The following ACYP2 variants were observed in gnomAD, a reference collection of about 807,000 sequenced individuals.
ACYP2 encodes the protein acylphosphatase-2.
Under a neutral mutation model 11.2 loss-of-function variants are expected in ACYP2, and 12 were observed. That is an observed-to-expected ratio of 1.08 (90% CI 0.69 to 1.74). The LOEUF is 1.74. Ranked by LOEUF, ACYP2 falls within the 40% of genes most tolerant of loss-of-function variation. The probability of loss-of-function intolerance (pLI) is 0.00; values close to 1 mark genes in which losing one functional copy is unlikely to be tolerated. For synonymous variants in ACYP2, 43 were observed against 32.2 expected (o/e 1.33, Z -1.13); for missense variants, 134 against 101.9 (o/e 1.31, Z -1.35).
At chr2:54,096,829 G>C (rs933847496) in intron 4 of ACYP2, among the ~76,000 whole-genome samples, 3 of 142,294 alleles carry the variant, frequency 2.1e-5, no homozygotes, top group African/African-American at 2.5e-5. Context: ...CGTGGAAAGA[G>C]AGGGAGAGGG....
intron 6 of ACYP2, among the ~76,000 whole-genome samples, chr2:54,178,532 TC>T (rs1683572564): frequency 6.6e-6 from 1 of 152,206 alleles, no homozygotes; most frequent in African/African-American, 2.4e-5. Flanking sequence ...AGTTCAGGGC[TC>T]TTCATTAAAA....
At chr2:54,239,899 CTTCT>C (rs1314500348) in intron 6 of ACYP2, among the ~76,000 whole-genome samples, 3 of 152,008 alleles carry the variant, frequency 2.0e-5, no homozygotes, top group East Asian at 1.9e-4. Flanking sequence ...AATCTATTCA[CTTCT>C]TTATTTTTAA....
chr2:54,126,152 A>G (rs1015441229), intron 4 of ACYP2, among the ~76,000 whole-genome samples: 1 of 152,226 alleles, frequency 6.6e-6, no homozygotes, highest in African/African-American at 2.4e-5. Context: ...CGGAAACTTC[A>G]TAGGCCAGTT....
intron 4 of ACYP2, among the ~76,000 whole-genome samples, chr2:54,115,975 G>A (rs1679764425): frequency 6.6e-6 from 1 of 151,980 alleles, no homozygotes; most frequent in African/African-American, 2.4e-5. Context: ...AAGTGGGGGA[G>A]CGGGAGAGGA....
intron 6 of ACYP2, among the ~76,000 whole-genome samples, chr2:54,200,842 A>T (rs1682111): frequency 0.56 from 84,947 of 152,006 alleles, 23,947 homozygotes; most frequent in East Asian, 0.68. Context: ...CTGTTTTCCA[A>T]AAGTGTCTGT....
At chr2:54,299,286 A>G (rs1360199093) in intron 6 of ACYP2, among the ~76,000 whole-genome samples, 1 of 152,012 alleles carries the variant, frequency 6.6e-6, no homozygotes, top group Non-Finnish European at 1.5e-5. Context: ...CCCAGATGCA[A>G]TGGTCACCCT....
At chr2:54,280,938 A>C (rs1688822600) in intron 6 of ACYP2, among the ~76,000 whole-genome samples, 1 of 152,222 alleles carries the variant, frequency 6.6e-6, no homozygotes, top group Non-Finnish European at 1.5e-5. Flanking sequence ...AGGTGTCAGA[A>C]TCATAGAGGG....
intron 4 of ACYP2, among the ~76,000 whole-genome samples, chr2:54,070,040 G>A (rs1676949605): frequency 6.6e-6 from 1 of 152,194 alleles, no homozygotes; most frequent in South Asian, 2.1e-4. Flanking sequence ...GGAGGCCAAG[G>A]TGGGCAGATC....
chr2:54,298,341 G>T (rs1255503663), intron 6 of ACYP2, among the ~76,000 whole-genome samples: 2 of 89,306 alleles, frequency 2.2e-5, no homozygotes, highest in African/African-American at 1.2e-4. Context: ...ATTTATGAAA[G>T]ATTTAAAGGA....
At chr2:53,999,071 A>G (rs1036856914) in intron 2 of ACYP2, among the ~76,000 whole-genome samples, 1 of 152,184 alleles carries the variant, frequency 6.6e-6, no homozygotes, top group Non-Finnish European at 1.5e-5. Context: ...CTGTAAAGGA[A>G]ATACAAAAAA....
intron 2 of ACYP2, among the ~76,000 whole-genome samples, chr2:54,009,336 A>C (rs72799301): frequency 0.065 from 9,956 of 152,026 alleles, 430 homozygotes; most frequent in Non-Finnish European, 0.094. Flanking sequence ...AGGTTGACAG[A>C]TCACCTTAGG....
chr2:54,170,986 A>G (rs1282403762), intron 6 of ACYP2, among the ~76,000 whole-genome samples: 2 of 152,012 alleles, frequency 1.3e-5, no homozygotes, highest in Non-Finnish European at 2.9e-5. Context: ...TATTTACTGG[A>G]GTGGCTGGTT....
intron 2 of ACYP2, among the ~76,000 whole-genome samples, chr2:54,038,705 A>G (rs1011017932): frequency 7.1e-6 from 1 of 141,118 alleles, no homozygotes; most frequent in Middle Eastern, 3.4e-3. Context: ...ATATATATAT[A>G]TATATATACT....
chr2:54,249,156 T>G (rs984650503), intron 6 of ACYP2, among the ~76,000 whole-genome samples: 27 of 152,194 alleles, frequency 1.8e-4, no homozygotes, highest in Admixed American at 1.4e-3. Context: ...AGGGACATGA[T>G]TACTTTGTCA....
chr2:54,227,155 T>C (rs938394893), intron 6 of ACYP2, among the ~76,000 whole-genome samples: 1 of 152,204 alleles, frequency 6.6e-6, no homozygotes, highest in African/African-American at 2.4e-5. Flanking sequence ...TAATTTTAAA[T>C]CCAGTCTTAA....
intron 4 of ACYP2, among the ~76,000 whole-genome samples, chr2:54,078,410 C>G (rs1331538558): frequency 1.3e-5 from 1 of 75,832 alleles, no homozygotes; most frequent in African/African-American, 5.6e-5. Context: ...TATATGCGTA[C>G]CATATATGGT....
chr2:54,174,396 G>A (rs1312614768), intron 6 of ACYP2, among the ~76,000 whole-genome samples: 1 of 152,188 alleles, frequency 6.6e-6, no homozygotes, highest in Non-Finnish European at 1.5e-5. Flanking sequence ...CTTTGCTGAA[G>A]TTGCTTATCA....
chr2:54,200,325 C>G (rs916939296), intron 6 of ACYP2, among the ~76,000 whole-genome samples: 2 of 152,084 alleles, frequency 1.3e-5, no homozygotes, highest in African/African-American at 4.8e-5. Flanking sequence ...TTGCCCTCAT[C>G]ATATACAAGG....
chr2:54,208,949 G>A (rs1008595871), intron 6 of ACYP2, among the ~76,000 whole-genome samples: 11 of 151,446 alleles, frequency 7.3e-5, no homozygotes, highest in Non-Finnish European at 1.3e-4. Flanking sequence ...CTTTATTAAA[G>A]TATTGAGGAA....
Sources: gnomAD v4.1 joint callset for allele counts (sites outside exome capture counted in the v4.1 genomes callset) on GRCh38, gnomAD v4.1.1 for gene constraint, MANE v1.5 for transcripts, NCBI Gene and HGNC (gene_info 2026-07-23, HGNC 2026-07-21) for gene names.